LYPD5: variants seen among roughly 807,000 people sequenced by gnomAD.
LYPD5 encodes the protein LY6/PLAUR domain containing 5, also known as ly6/PLAUR domain-containing protein 5.
A neutral mutation model predicts 19.1 loss-of-function variants in LYPD5; 21 were observed. The observed-to-expected ratio is 1.10, with a 90% CI of 0.78 to 1.58. LYPD5 has a LOEUF of 1.58. Ranked by LOEUF, LYPD5 falls within the 40% of genes most tolerant of loss-of-function variation. The probability of loss-of-function intolerance (pLI) is 0.00; values close to 1 mark genes in which losing one functional copy is unlikely to be tolerated. For synonymous variants in LYPD5, 128 were observed against 142.7 expected (o/e 0.90, Z 0.74); for missense variants, 287 against 329.8 (o/e 0.87, Z 1.00).
At chr19:43,804,885 T>C (rs1415132480), upstream of LYPD5, among the ~76,000 whole-genome samples, 4 of 152,180 alleles carry the variant, frequency 2.6e-5, no homozygotes, top group Admixed American at 6.5e-5. Flanking sequence ...GTTTCAGGGA[T>C]TGAGGCTTAC....
chr19:43,819,996 GAAGGAAAAGACTTCACCATTC>G (rs78819509), intron 1 of LYPD5, among the ~76,000 whole-genome samples: 14,475 of 152,016 alleles, frequency 0.095, 828 homozygotes, highest in Non-Finnish European at 0.13. Flanking sequence ...TGTAGCTAGA[GAAGGAAAAGACTTCACCATTC>G]CTGTAGGAAA....
chr19:43,802,554 CTCAGTTG>C, upstream of LYPD5: 1 of 579,752 alleles, frequency 1.7e-6, no homozygotes, highest in Non-Finnish European at 3.1e-6. Flanking sequence ...CAGGGTGATC[CTCAGTTG>C]CTGGAGATCT....
At chr19:43,817,547 A>G (rs1331194883) in intron 1 of LYPD5, among the ~76,000 whole-genome samples, 1 of 152,102 alleles carries the variant, frequency 6.6e-6, no homozygotes, top group Non-Finnish European at 1.5e-5. Flanking sequence ...CACTAGCTTC[A>G]GTCATGCAGG....
At chr19:43,818,757 G>C (rs750595113) in intron 1 of LYPD5, among the ~76,000 whole-genome samples, 2 of 152,222 alleles carry the variant, frequency 1.3e-5, no homozygotes, top group Non-Finnish European at 2.9e-5. Flanking sequence ...GTGAGGCTGA[G>C]AGGATCTGAA....
intron 1 of LYPD5, among the ~76,000 whole-genome samples, chr19:43,810,431 G>A (rs1365899471): frequency 6.6e-6 from 1 of 150,982 alleles, no homozygotes; most frequent in Non-Finnish European, 1.5e-5. Context: ...CAACTTGCTG[G>A]GCTCAAGTGA....
At chr19:43,810,051 A>G (rs906283540) in intron 1 of LYPD5, among the ~76,000 whole-genome samples, 1 of 152,186 alleles carries the variant, frequency 6.6e-6, no homozygotes. Flanking sequence ...AGCATGCACA[A>G]TACATAATAA....
upstream of LYPD5, chr19:43,802,563 T>A: frequency 1.2e-5 from 3 of 253,876 alleles, no homozygotes; most frequent in Admixed American, 8.5e-5. Flanking sequence ...CCTCAGTTGC[T>A]GGAGATCTAC....
intron 1 of LYPD5, chr19:43,815,730 T>TTTTTATTTTA (rs374130604): frequency 9.7e-6 from 4 of 413,838 alleles, no homozygotes; most frequent in African/African-American, 8.3e-5. Context: ...CCATCTATTA[T>TTTTTATTTTA]TTTTATTTTA....
In LYPD5 at chr19:43,812,605, G is replaced by A. The variant is rs1028159118; in HGVS notation, c.-66+7935C>T. 4.6e-5 allele frequency among the ~76,000 whole-genome samples: 7 copies of A among 151,936 alleles called. No homozygotes were observed. The South Asian group carries it at 6.2e-4, about 13-fold the overall frequency. ...GGGCTAAATAACTTGAAACTTGATC[G>A]TTCATCTCACATTCACACAATAATT... On this transcript the variant is annotated intron_variant, in intron 1 of 4. Transcript: ENST00000414615.
At chr19:43,808,039 T>C (rs903266036) in intron 1 of LYPD5, among the ~76,000 whole-genome samples, 4 of 152,258 alleles carry the variant, frequency 2.6e-5, no homozygotes, top group Admixed American at 1.3e-4. Context: ...TTACCTGATC[T>C]GGTCATTTAT....
At chr19:43,803,832 C>T (rs1043524635), upstream of LYPD5, among the ~76,000 whole-genome samples, 2 of 152,004 alleles carry the variant, frequency 1.3e-5, no homozygotes, top group South Asian at 4.1e-4. Flanking sequence ...CTGCTCCCCC[C>T]GCACCCCCTC....
chr19:43,807,663 T>C (rs1487891989), intron 1 of LYPD5, among the ~76,000 whole-genome samples: 2 of 152,232 alleles, frequency 1.3e-5, no homozygotes, highest in Non-Finnish European at 2.9e-5. Context: ...AGGCAGATTG[T>C]GAGGCTGAGA....
chr19:43,804,243 A>C (rs1167041175), upstream of LYPD5, among the ~76,000 whole-genome samples: 2 of 152,218 alleles, frequency 1.3e-5, no homozygotes, highest in South Asian at 4.2e-4. Flanking sequence ...CTTTGAAATC[A>C]TCAAGGGAGA....
At chr19:43,812,650 T>C (rs1190631194) in intron 1 of LYPD5, among the ~76,000 whole-genome samples, 1 of 152,192 alleles carries the variant, frequency 6.6e-6, no homozygotes, top group Non-Finnish European at 1.5e-5. Flanking sequence ...ATAAAGAACA[T>C]GCAGGGAAGA....
At chr19:43,817,164 G>C (rs547911875) in intron 1 of LYPD5, among the ~76,000 whole-genome samples, 7 of 152,232 alleles carry the variant, frequency 4.6e-5, no homozygotes, top group African/African-American at 1.7e-4. Context: ...GGCTGGTTTG[G>C]CTGCAGCTGC....
rs1172709732 is a variant in LYPD5 at position 43,796,833 on chromosome 19, T to C, written c.*758A>G. 6.6e-6 allele frequency: 1 copy of C among 152,244 alleles called. No individual in the cohort carries two copies. The highest frequency in any genetic ancestry group is 1.5e-5 in the Non-Finnish European group (1 of 68,044). The allele number at this position is 152,244 out of a possible 1,614,324, so 9.4% of individuals were successfully genotyped here. Reference sequence around the variant, plus strand: ...AGTACTAAATGTTCATCTCGTTGAATCCTCACTGCAACTACTGTGAAGTAG... The same window carrying C: ...AGTACTAAATGTTCATCTCGTTGAACCCTCACTGCAACTACTGTGAAGTAG... On this transcript the variant is annotated 3_prime_UTR_variant, in exon 5 of 5. Coordinates refer to ENST00000377950, the MANE Select transcript of LYPD5 (RefSeq NM_001031749.3).
chr19:43,807,322 C>G (rs1970279718), upstream of LYPD5, among the ~76,000 whole-genome samples: 3 of 150,424 alleles, frequency 2.0e-5, no homozygotes, highest in East Asian at 3.9e-4. Flanking sequence ...CTCTTGTTAC[C>G]CAGGCTGGAG....
At chr19:43,799,964 G>A in intron 1 of LYPD5, 130 bp from the exon 2 acceptor site, 1 of 1,107,510 alleles carries the variant, frequency 9.0e-7, no homozygotes. Context: ...CGCCTTGAGA[G>A]ACCAGGTGCT....
Position 43,799,707 on chromosome 19 carries a change from G to C in LYPD5, c.192C>G (p.Thr64=), listed in dbSNP as rs962388847. The C allele has an allele frequency of 4.3e-6, 7 of 1,612,676 alleles. No homozygotes were observed. Among genetic ancestry groups the C allele is most frequent in the Non-Finnish European group, 5.9e-6 (7 of 1,179,466 alleles). The part of the protein sequence containing the change: ...ECFEAILSLD[T]GYRAPVTLVR... Reference sequence around the variant, plus strand: ...TGTCCCCCGGCTCCCGCTCCTTACCGGTGTCCAGAGACAGGATAGCCTCAA... The same window carrying C: ...TGTCCCCCGGCTCCCGCTCCTTACCCGTGTCCAGAGACAGGATAGCCTCAA... The change falls in exon 2 of 5, where the codon ACC becomes ACG. Residue 64 remains threonine, a splice_region_variant and synonymous_variant. Transcript: ENST00000377950.
Sources: allele counts gnomAD v4.1 joint callset (sites outside exome capture counted in the v4.1 genomes callset), GRCh38; gene constraint gnomAD v4.1.1; transcripts MANE v1.5; gene names NCBI Gene and HGNC (gene_info 2026-07-23, HGNC 2026-07-21).